Variants in DLGAP2 observed in about 807,000 individuals in gnomAD.
The protein encoded by DLGAP2 is disks large-associated protein 2.
A neutral mutation model predicts 100.3 loss-of-function variants in DLGAP2; 26 were observed. That is an observed-to-expected ratio of 0.26 (90% confidence interval 0.19 to 0.36). The LOEUF (loss-of-function observed/expected upper bound fraction) is 0.36, where lower values mean the gene tolerates loss of function less well. Ranked by LOEUF, DLGAP2 falls within the 10% of genes least tolerant of loss-of-function variation. DLGAP2 has a pLI of 1.00. For synonymous variants in DLGAP2, 886 were observed against 630.1 expected, an observed-to-expected ratio of 1.41 and a Z score of -6.08; for missense variants, 1,858 against 1,453.2, an observed-to-expected ratio of 1.28 and a Z score of -4.53.
intron 2 of DLGAP2, among the ~76,000 whole-genome samples, chr8:989,691 T>C (rs1800599190): frequency 6.6e-6 from 1 of 152,186 alleles, no homozygotes; most frequent in Admixed American, 6.5e-5. Flanking sequence ...TTGACATAAT[T>C]GCTAAGAGTC....
intron 8 of DLGAP2, among the ~76,000 whole-genome samples, chr8:1,643,177 G>C (rs1406512158): frequency 3.0e-3 from 55 of 18,570 alleles, no homozygotes; most frequent in South Asian, 5.2e-3. Context: ...TGTCACCCTC[G>C]ACCCCGCCGG....
rs563272584 is a variant in DLGAP2 at position 1,547,934 on chromosome 8, A to AAT, written c.173-689_173-688dup. On this transcript the variant is annotated intron_variant, in intron 4 of 14. Coordinates refer to ENST00000637795, the MANE Select transcript of DLGAP2 (RefSeq NM_001346810.2). ...TATGTGATACATGAGCTTACTAGAC[A>AAT]ATATCACCCATCAAGTACCAGATGC... 1.0e-3 allele frequency among the ~76,000 whole-genome samples: 159 copies of AAT among 152,332 alleles called. 1 individual carries two copies. Among genetic ancestry groups the AAT allele is most frequent in the African/African-American group, 3.7e-3 (153 of 41,574 alleles).
intron 4 of DLGAP2, among the ~76,000 whole-genome samples, chr8:1,539,759 A>G (rs1801294331): frequency 6.6e-6 from 1 of 152,116 alleles, no homozygotes; most frequent in African/African-American, 2.4e-5. Flanking sequence ...TGTGCTTGAT[A>G]TAGAAGACCT....
At chr8:1,491,358 C>CCCCCTGACCCCAGAGGCTTCGGGCCGCTT (rs1799380884) in intron 3 of DLGAP2, among the ~76,000 whole-genome samples, 1 of 152,082 alleles carries the variant, frequency 6.6e-6, no homozygotes, top group Non-Finnish European at 1.5e-5. Context: ...TCGGGCCGCT[C>CCCCCTGACCCCAGAGGCTTCGGGCCGCTT]CCCCTGACCC....
At chr8:1,217,273 C>T (rs898227092) in intron 2 of DLGAP2, among the ~76,000 whole-genome samples, 1 of 152,136 alleles carries the variant, frequency 6.6e-6, no homozygotes, top group Admixed American at 6.5e-5. Flanking sequence ...CTCCATGTTC[C>T]TGCAAAGGAT....
At chr8:1,489,651 A>G (rs1051612529) in intron 3 of DLGAP2, among the ~76,000 whole-genome samples, 5 of 152,168 alleles carry the variant, frequency 3.3e-5, no homozygotes, top group Non-Finnish European at 5.9e-5. Flanking sequence ...GAGAAAATAA[A>G]ACACGGCCAT....
chr8:1,582,017 A>G (rs1014331329), intron 6 of DLGAP2, among the ~76,000 whole-genome samples: 1 of 151,780 alleles, frequency 6.6e-6, no homozygotes, highest in African/African-American at 2.4e-5. Flanking sequence ...TGAAGGATAC[A>G]GAAAAAACCC....
At chr8:1,121,175 C>G (rs1339376643) in intron 2 of DLGAP2, among the ~76,000 whole-genome samples, 1 of 150,630 alleles carries the variant, frequency 6.6e-6, no homozygotes, top group Non-Finnish European at 1.5e-5. Flanking sequence ...CAGTTAGATC[C>G]CATGACCACC....
intron 2 of DLGAP2, among the ~76,000 whole-genome samples, chr8:1,100,270 C>A (rs1451174266): frequency 2.0e-5 from 3 of 151,034 alleles, no homozygotes; most frequent in African/African-American, 7.3e-5. Flanking sequence ...TAGGGAAAAC[C>A]TTTGTCCAGC....
intron 13 of DLGAP2, among the ~76,000 whole-genome samples, chr8:1,696,627 C>A (rs982361269): frequency 6.6e-6 from 1 of 152,226 alleles, no homozygotes; most frequent in African/African-American, 2.4e-5. Flanking sequence ...CCTGTGCCTC[C>A]TAAGTGTGGG....
At chr8:1,270,948 CTG>C (rs746722478) in intron 3 of DLGAP2, among the ~76,000 whole-genome samples, 1 of 152,174 alleles carries the variant, frequency 6.6e-6, no homozygotes, top group African/African-American at 2.4e-5. Flanking sequence ...CTTAGTAAAA[CTG>C]TTTCTTATTG....
At chr8:872,333 CTT>C (rs1191019452) in intron 1 of DLGAP2, among the ~76,000 whole-genome samples, 2 of 100,146 alleles carry the variant, frequency 2.0e-5, no homozygotes, top group Non-Finnish European at 4.4e-5. Flanking sequence ...CACTTCTTTT[CTT>C]TTTTTTTTTT....
chr8:1,496,789 A>T (rs373293991), intron 3 of DLGAP2, among the ~76,000 whole-genome samples: 1 of 152,070 alleles, frequency 6.6e-6, no homozygotes, highest in Admixed American at 6.5e-5. Context: ...CACCCGAGGC[A>T]CCGCACACGC....
At chr8:932,922 C>G (rs919528212) in intron 2 of DLGAP2, among the ~76,000 whole-genome samples, 1 of 152,144 alleles carries the variant, frequency 6.6e-6, no homozygotes, top group African/African-American at 2.4e-5. Flanking sequence ...TCCCCCTTTC[C>G]CCTCGATCTT....
chr8:1,513,633 C>G (rs1240198227), intron 4 of DLGAP2, among the ~76,000 whole-genome samples: 1 of 152,226 alleles, frequency 6.6e-6, no homozygotes, highest in East Asian at 1.9e-4. Flanking sequence ...TTGCTAAGCC[C>G]TCCTGGTCGT....
chr8:1,693,424 A>G (rs1489806972), intron 13 of DLGAP2, among the ~76,000 whole-genome samples: 1 of 151,910 alleles, frequency 6.6e-6, no homozygotes, highest in African/African-American at 2.4e-5. Context: ...AGTATTCACT[A>G]TTTTGAGAAA....
At chr8:1,101,513 G>A (rs1050061247) in intron 2 of DLGAP2, among the ~76,000 whole-genome samples, 4 of 152,264 alleles carry the variant, frequency 2.6e-5, no homozygotes, top group South Asian at 2.1e-4. Context: ...AGGCAGACGG[G>A]GGTGCCGGGG....
intron 2 of DLGAP2, among the ~76,000 whole-genome samples, chr8:1,246,164 A>T (rs60366492): frequency 1.1e-4 from 16 of 152,080 alleles, no homozygotes; most frequent in Admixed American, 5.9e-4. Context: ...TAATTACTCC[A>T]TAGCCCTTGG....
intron 2 of DLGAP2, among the ~76,000 whole-genome samples, chr8:1,023,855 A>ATGTGTGTGTGTGTGTGTGTGTGTGTG (rs1192338772): frequency 1.7e-5 from 1 of 59,388 alleles, no homozygotes; most frequent in Non-Finnish European, 4.1e-5. Flanking sequence ...CAAACTTTAT[A>ATGTGTGTGTGTGTGTGTGTGTGTGTG]TATGTGTGTG....
Sources: allele counts gnomAD v4.1 joint callset (sites outside exome capture counted in the v4.1 genomes callset), GRCh38; gene constraint gnomAD v4.1.1; transcripts MANE v1.5; gene names NCBI Gene and HGNC (gene_info 2026-07-23, HGNC 2026-07-21).